LPIN2: variants seen among roughly 807,000 people sequenced by gnomAD.
The protein encoded by LPIN2 is lipin 2.
LPIN2 carries 55 observed loss-of-function variants against 111.4 expected under a neutral mutation model. The ratio of observed to expected loss-of-function variants is 0.49; its 90% CI spans 0.40 to 0.62. The LOEUF (loss-of-function observed/expected upper bound fraction) is 0.62. LPIN2 is among the 20% of genes least tolerant of loss of function. The pLI is 0.00. For missense variants in LPIN2, 992 were observed against 1,112.1 expected (o/e 0.89, Z 1.54); for synonymous variants, 425 against 414.0 (o/e 1.03, Z -0.32).
At chr18:2,922,900 A>G (rs985396624) in intron 16 of LPIN2, among the ~76,000 whole-genome samples, 5 of 152,236 alleles carry the variant, frequency 3.3e-5, no homozygotes, top group African/African-American at 1.2e-4. Context: ...TCCATCAGAC[A>G]AGAAGCAAAA....
intron 1 of LPIN2, among the ~76,000 whole-genome samples, chr18:2,963,434 G>A (rs998653125): frequency 1.3e-5 from 2 of 151,620 alleles, no homozygotes; most frequent in Admixed American, 1.3e-4. Flanking sequence ...GCCACACTCT[G>A]AACCAGCAGC....
At position 2,931,287 on chromosome 18, in the gene LPIN2, C is replaced by T; in HGVS notation, c.1425G>A (p.Gly475=). 1 of 1,614,164 alleles carries T rather than the reference C, an allele frequency of 6.2e-7. No individual in the cohort carries two copies. Among genetic ancestry groups the T allele is most frequent in the Non-Finnish European group, 8.5e-7 (1 of 1,180,042 alleles). Residue 475 remains glycine, a synonymous_variant, in exon 9 of 20, where the codon GGG becomes GGA. Coordinates refer to ENST00000677752, the MANE Select transcript of LPIN2 (RefSeq NM_001375808.2). ...AAATTTCTCCATTTTCACTGAGGCC[C>T]CCGCAAAGGGAGAGGGTAACGTCAG... ...DLPDVTLSLC[G]GLSENGEISK...
chr18:2,996,538 C>T (rs536476630), intron 1 of LPIN2, among the ~76,000 whole-genome samples: 11 of 132,610 alleles, frequency 8.3e-5, no homozygotes, highest in Non-Finnish European at 1.2e-4. Context: ...AGTGCAGTGG[C>T]GCCATCTCAG....
chr18:2,985,817 C>T (rs143694677), intron 1 of LPIN2, among the ~76,000 whole-genome samples: 2 of 152,292 alleles, frequency 1.3e-5, no homozygotes, highest in African/African-American at 4.8e-5. Context: ...TGTACTCCCC[C>T]CCAGTGGCCA....
chr18:3,012,987 G>A (rs929321712), intron 1 of LPIN2, 100 bp downstream of exon 1: 2 of 150,988 alleles, frequency 1.3e-5, no homozygotes, highest in African/African-American at 4.8e-5. Context: ...GCCTCCGGCA[G>A]GACAGCCCCG....
rs1370056162 is a variant in LPIN2 at position 2,944,452 on chromosome 18, C to T, written c.591-3740G>A. On this transcript the variant is annotated intron_variant, in intron 4 of 19. Transcript: ENST00000677752. Reference sequence around the variant, plus strand: ...CTGCCAGCTCCGCCTCTTAGGTTCACGCCATTCTCCTGCCTCAGCCTCCTG... The same window carrying T: ...CTGCCAGCTCCGCCTCTTAGGTTCATGCCATTCTCCTGCCTCAGCCTCCTG... Among the ~76,000 whole-genome samples, 5 of 147,546 alleles carry T rather than the reference C, an allele frequency of 3.4e-5. No individual in the cohort carries two copies. The East Asian group carries it at 8.0e-4, about 24-fold the overall frequency.
At position 2,921,896 on chromosome 18, in the gene LPIN2, T is replaced by C; in HGVS notation, c.2327+151A>G. The C allele has an allele frequency of 4.4e-6, 5 of 1,130,476 alleles. No individual in the cohort carries two copies. The South Asian group carries it at 8.1e-5, about 18-fold the overall frequency. 70.0% of individuals were successfully genotyped at this position (1,130,476 alleles called of 1,614,324 possible). Reference sequence around the variant, plus strand: ...GGCCCGCCACATGGCAAGTGAGCAGTATGTGGTAGGACACCACCAGGGACC... The same window carrying C: ...GGCCCGCCACATGGCAAGTGAGCAGCATGTGGTAGGACACCACCAGGGACC... On this transcript the variant is annotated intron_variant, in intron 17 of 19. Transcript: ENST00000677752.
intron 2 of LPIN2, among the ~76,000 whole-genome samples, chr18:2,959,987 G>T (rs376469982): frequency 1.3e-5 from 2 of 152,122 alleles, no homozygotes; most frequent in African/African-American, 4.8e-5. Flanking sequence ...TAGCCAACAA[G>T]GTGAAACCCC....
chr18:2,920,936 T>C, intron 18 of LPIN2, 55 bp from the exon 19 acceptor site: 1 of 1,186,926 alleles, frequency 8.4e-7, no homozygotes, highest in Non-Finnish European at 1.3e-6. Flanking sequence ...CAGGAGATAC[T>C]TCTCAGGCTC....
intron 1 of LPIN2, among the ~76,000 whole-genome samples, chr18:2,984,174 A>AT (rs899162613): frequency 6.6e-6 from 1 of 152,336 alleles, no homozygotes; most frequent in African/African-American, 2.4e-5. Flanking sequence ...TAATAAAAAC[A>AT]TTAAGTGGCA....
At chr18:2,934,838 T>C (rs1381036071) in intron 7 of LPIN2, among the ~76,000 whole-genome samples, 1 of 152,202 alleles carries the variant, frequency 6.6e-6, no homozygotes, top group African/African-American at 2.4e-5. Context: ...GGCAAGGTTG[T>C]CTGGGCACAG....
Position 2,924,510 on chromosome 18 carries a change from C to T in LPIN2, c.1975G>A (p.Val659Met), listed in dbSNP as rs948057549. The change falls in exon 15 of 20, where the codon GTG (valine) becomes ATG (methionine). Residue 659 changes from valine (V) to methionine (M), a missense_variant. Transcript: ENST00000677752. ...LKLHDGPNDV[V>M]FSITTQYQGT... ...TGATACTGGGTTGTAATACTAAACACAACATCATTTGGGCCATCGTGGAGC... is the reference window on the plus strand; with the variant it reads ...TGATACTGGGTTGTAATACTAAACATAACATCATTTGGGCCATCGTGGAGC... The T allele has an allele frequency of 1.7e-5, 27 of 1,614,068 alleles. No individual in the cohort carries two copies. Among genetic ancestry groups the T allele is most frequent in the Non-Finnish European group, 2.2e-5 (26 of 1,180,014 alleles).
chr18:3,005,812 G>A (rs905570543), intron 1 of LPIN2, among the ~76,000 whole-genome samples: 1 of 152,140 alleles, frequency 6.6e-6, no homozygotes, highest in African/African-American at 2.4e-5. Context: ...GACTGCTTGG[G>A]CCCAGAAGTT....
chr18:2,931,766 G>A (rs1183569876), intron 8 of LPIN2, among the ~76,000 whole-genome samples: 1 of 152,164 alleles, frequency 6.6e-6, no homozygotes, highest in African/African-American at 2.4e-5. Flanking sequence ...ATAGTTATAA[G>A]TATTTATTTA....
chr18:2,929,455 A>C (rs754640911), intron 9 of LPIN2, among the ~76,000 whole-genome samples: 3 of 152,152 alleles, frequency 2.0e-5, no homozygotes, highest in Non-Finnish European at 4.4e-5. Flanking sequence ...AGAGGGACGG[A>C]AGACAGACAC....
intron 1 of LPIN2, among the ~76,000 whole-genome samples, chr18:3,006,730 A>G (rs370594049): frequency 1.8e-4 from 27 of 152,044 alleles, no homozygotes; most frequent in South Asian, 1.3e-3. Context: ...CCAGCTACTC[A>G]GGAGGCTGAG....
chr18:2,945,765 T>C, intron 4 of LPIN2: 2 of 1,224,996 alleles, frequency 1.6e-6, no homozygotes, highest in South Asian at 2.4e-5. Context: ...CAATGTGCTA[T>C]TTGCTTCTAC....
In LPIN2 at chr18:2,925,317, T is replaced by A; in HGVS notation, c.1845A>T (p.Glu615Asp). 1 of 1,614,122 alleles carries A rather than the reference T, an allele frequency of 6.2e-7. No homozygotes were observed. The highest frequency in any genetic ancestry group is 8.5e-7 in the Non-Finnish European group (1 of 1,179,976). The part of the protein sequence containing the change: ...SSDEGSQELE[E>D]SITVDPIPTE... ...TGGGGATGGGGTCCACTGTGATGGATTCTTCGAGCTCCTGTGATCCCTCGT... is the reference window on the plus strand; with the variant it reads ...TGGGGATGGGGTCCACTGTGATGGAATCTTCGAGCTCCTGTGATCCCTCGT... The change falls in exon 14 of 20, where the codon GAA becomes GAT. Residue 615 changes from glutamate to aspartate, a missense_variant. By Grantham distance (45) the Glu-to-Asp change is conservative (BLOSUM62 2). Around this residue, in one of 4 missense-constraint regions of LPIN2, gnomAD observed 709 missense variants for 753.2 expected, o/e 0.94. Transcript: ENST00000677752. The surrounding 1 kb of genome is among the most constrained non-coding windows in gnomAD (Gnocchi z 4.1).
chr18:2,979,382 T>C (rs1201541087), intron 1 of LPIN2, among the ~76,000 whole-genome samples: 3 of 152,194 alleles, frequency 2.0e-5, no homozygotes, highest in Non-Finnish European at 2.9e-5. Flanking sequence ...GTAGCATTCA[T>C]ACAGCCATTT....
Sources: gnomAD v4.1 joint callset for allele counts (sites outside exome capture counted in the v4.1 genomes callset) on GRCh38, gnomAD v4.1.1 for gene constraint, gnomAD v4.1.1 regional missense constraint, Gnocchi (gnomAD v3.1) non-coding constraint, MANE v1.5 for transcripts, NCBI Gene and HGNC (gene_info 2026-07-23, HGNC 2026-07-21) for gene names.